The following VWA8 variants were observed in gnomAD, a reference collection of about 807,000 sequenced individuals.
VWA8 encodes the protein von Willebrand factor A domain-containing protein 8.
VWA8 carries 221 observed loss-of-function variants against 241.5 expected under a neutral mutation model. The observed-to-expected ratio is 0.91, with a 90% CI of 0.82 to 1.02. The LOEUF is 1.02. Among genes scored for constraint, VWA8 ranks in the 50% least tolerant of loss-of-function variants. The pLI is 0.00. For synonymous variants in VWA8, 852 were observed against 827.1 expected (o/e 1.03, Z -0.52); for missense variants, 2,322 against 2,328.7 (o/e 1.00, Z 0.06).
intron 40 of VWA8, among the ~76,000 whole-genome samples, chr13:41,596,711 T>TA (rs1444066373): frequency 6.6e-6 from 1 of 151,644 alleles, no homozygotes; most frequent in Non-Finnish European, 1.5e-5. Flanking sequence ...AAAGAATACT[T>TA]AGACTCACTG....
At chr13:41,828,882 C>G (rs551869223) in intron 14 of VWA8, among the ~76,000 whole-genome samples, 2 of 151,326 alleles carry the variant, frequency 1.3e-5, no homozygotes, top group Non-Finnish European at 3.0e-5. Context: ...ATTTTGTTTC[C>G]TCCTCCAGGA....
chr13:41,747,580 T>C (rs2137887175), intron 21 of VWA8, among the ~76,000 whole-genome samples: 1 of 152,334 alleles, frequency 6.6e-6, no homozygotes, highest in East Asian at 1.9e-4. Flanking sequence ...CCTAATCGAA[T>C]ACCCTTTATT....
intron 37 of VWA8, among the ~76,000 whole-genome samples, chr13:41,668,854 A>T (rs376031728): frequency 2.0e-5 from 3 of 152,222 alleles, no homozygotes; most frequent in Non-Finnish European, 4.4e-5. Flanking sequence ...GAACTTAGGG[A>T]TCAAAGGAGA....
intron 17 of VWA8, among the ~76,000 whole-genome samples, chr13:41,809,800 C>T (rs1307886574): frequency 6.6e-6 from 1 of 152,002 alleles, no homozygotes; most frequent in Non-Finnish European, 1.5e-5. Flanking sequence ...AGGAAATTGT[C>T]AATGAAGTGA....
chr13:41,577,056 G>C (rs1348714199), intron 42 of VWA8, among the ~76,000 whole-genome samples: 2 of 152,252 alleles, frequency 1.3e-5, no homozygotes. Flanking sequence ...GATGGACTTA[G>C]GAAAGAGGCC....
intron 43 of VWA8, among the ~76,000 whole-genome samples, chr13:41,572,797 TAAAAAAAAAAAAAA>T (rs869088660): frequency 1.5e-5 from 1 of 67,786 alleles, no homozygotes; most frequent in Non-Finnish European, 3.1e-5. Flanking sequence ...CAATAAATAC[TAAAAAAAAAAAAAA>T]AAAAAAAAAA....
chr13:41,842,379 T>C (rs1482470746), intron 12 of VWA8, among the ~76,000 whole-genome samples: 1 of 152,228 alleles, frequency 6.6e-6, no homozygotes, highest in Admixed American at 6.5e-5. Flanking sequence ...AAGAACTATT[T>C]TTAACCTGTA....
chr13:41,781,736 T>A (rs1050482477), intron 19 of VWA8, among the ~76,000 whole-genome samples: 4 of 152,226 alleles, frequency 2.6e-5, no homozygotes, highest in Non-Finnish European at 5.9e-5. Flanking sequence ...AGTAATACTC[T>A]TTATCAAGAA....
At chr13:41,586,850 TG>T (rs372678395) in intron 42 of VWA8, among the ~76,000 whole-genome samples, 163 of 152,276 alleles carry the variant, frequency 1.1e-3, no homozygotes, top group African/African-American at 3.7e-3. Context: ...ACATGGCATG[TG>T]ACTGAATTCA....
At chr13:41,570,792 A>G (rs572150275) in intron 43 of VWA8, 86 bp from the exon 44 acceptor site, 210 of 1,136,276 alleles carry the variant, frequency 1.8e-4, no homozygotes, top group Non-Finnish European at 2.5e-4. Flanking sequence ...GACCATGAGC[A>G]TGCATACATA....
intron 37 of VWA8, among the ~76,000 whole-genome samples, chr13:41,636,647 G>GA (rs1252653934): frequency 6.6e-6 from 1 of 152,104 alleles, no homozygotes; most frequent in Non-Finnish European, 1.5e-5. Flanking sequence ...TAGAATGGGA[G>GA]AAAATTTTTG....
intron 21 of VWA8, among the ~76,000 whole-genome samples, chr13:41,758,412 A>ATATACGCTAG (rs2045712942): frequency 1.2e-5 from 1 of 82,522 alleles, no homozygotes; most frequent in Non-Finnish European, 2.8e-5. Context: ...ATATATATAT[A>ATATACGCTAG]TATATATATA....
At chr13:41,737,924 T>C (rs1275353317) in intron 21 of VWA8, among the ~76,000 whole-genome samples, 1 of 151,950 alleles carries the variant, frequency 6.6e-6, no homozygotes, top group African/African-American at 2.4e-5. Context: ...CTATGACTAC[T>C]GCAGTGTTGA....
chr13:41,655,615 T>G (rs1164913501), intron 37 of VWA8, among the ~76,000 whole-genome samples: 1 of 152,130 alleles, frequency 6.6e-6, no homozygotes, highest in Admixed American at 6.5e-5. Context: ...AAGACTCTGG[T>G]GATGGAATGA....
chr13:41,657,256 G>C (rs1216559466), intron 37 of VWA8, among the ~76,000 whole-genome samples: 1 of 152,018 alleles, frequency 6.6e-6, no homozygotes, highest in Non-Finnish European at 1.5e-5. Flanking sequence ...GCAGAGCCAA[G>C]AGGAGAGAGG....
intron 18 of VWA8, among the ~76,000 whole-genome samples, chr13:41,786,526 T>C (rs543535449): frequency 3.3e-5 from 5 of 152,122 alleles, no homozygotes; most frequent in Non-Finnish European, 7.4e-5. Context: ...GACCAAACAA[T>C]CGGCAGTCTG....
intron 26 of VWA8, among the ~76,000 whole-genome samples, chr13:41,714,207 G>GT (rs778411658): frequency 5.4e-4 from 81 of 151,146 alleles, no homozygotes; most frequent in African/African-American, 1.8e-3. Context: ...AATTTCCTTA[G>GT]TTTTTTTTTC....
chr13:41,633,477 C>T (rs1360168822), intron 37 of VWA8, among the ~76,000 whole-genome samples: 1 of 152,124 alleles, frequency 6.6e-6, no homozygotes, highest in Admixed American at 6.5e-5. Flanking sequence ...CATAGGGAAG[C>T]CTGATAACTG....
chr13:41,887,766 T>A (rs1027386785), intron 5 of VWA8, among the ~76,000 whole-genome samples: 1 of 152,212 alleles, frequency 6.6e-6, no homozygotes, highest in Non-Finnish European at 1.5e-5. Context: ...GATAATTATG[T>A]TTATGGTTAT....
Sources: allele counts gnomAD v4.1 joint callset (sites outside exome capture counted in the v4.1 genomes callset), GRCh38; gene constraint gnomAD v4.1.1; transcripts MANE v1.5; gene names NCBI Gene and HGNC (gene_info 2026-07-23, HGNC 2026-07-21).